Variants in TPPP observed in about 807,000 individuals in gnomAD.
TPPP encodes the protein tubulin polymerization-promoting protein.
A neutral mutation model predicts 15.5 loss-of-function variants in TPPP; 6 were observed. That is an observed-to-expected ratio of 0.39 (90% CI 0.21 to 0.77). The LOEUF (loss-of-function observed/expected upper bound fraction) is 0.77, where lower values mean the gene tolerates loss of function less well. Ranked by LOEUF, TPPP falls within the 30% of genes least tolerant of loss-of-function variation. The pLI is 0.42. For synonymous variants in TPPP, 146 were observed against 133.9 expected (o/e 1.09, Z -0.63); for missense variants, 269 against 307.2 (o/e 0.88, Z 0.93).
chr5:666,490 C>T (rs1435958307), intron 2 of TPPP, among the ~76,000 whole-genome samples: 2 of 152,206 alleles, frequency 1.3e-5, no homozygotes, highest in Non-Finnish European at 2.9e-5. Context: ...CCTGCTGGGG[C>T]CCCGGCTCTG....
At chr5:696,440 C>T (rs2126920426), upstream of TPPP, among the ~76,000 whole-genome samples, 1 of 146,496 alleles carries the variant, frequency 6.8e-6, no homozygotes, top group East Asian at 1.9e-4. Context: ...AGCTGAATGT[C>T]CTTTGACGGC....
At chr5:669,857 T>C (rs544220579) in intron 2 of TPPP, among the ~76,000 whole-genome samples, 1 of 152,116 alleles carries the variant, frequency 6.6e-6, no homozygotes, top group South Asian at 2.1e-4. Flanking sequence ...GCCTGCCTCT[T>C]CCCCAGAGAC....
At chr5:688,142 C>G (rs1236623816) in intron 1 of TPPP, among the ~76,000 whole-genome samples, 1 of 121,212 alleles carries the variant, frequency 8.3e-6, no homozygotes, top group Non-Finnish European at 1.8e-5. Flanking sequence ...AACGAAAAGA[C>G]ACACTAGATC....
At chr5:677,718 G>C in intron 2 of TPPP, 32 bp downstream of exon 2, 1 of 1,518,380 alleles carries the variant, frequency 6.6e-7, no homozygotes, top group Non-Finnish European at 8.8e-7. Flanking sequence ...CCGTAAGTCA[G>C]GTCCCTCGGC....
intron 1 of TPPP, among the ~76,000 whole-genome samples, chr5:684,971 A>G (rs1315956214): frequency 6.6e-6 from 1 of 152,160 alleles, no homozygotes; most frequent in Non-Finnish European, 1.5e-5. Context: ...CACCCCACCC[A>G]GAGGCCAGAC....
chr5:669,145 C>G (rs995412672), intron 2 of TPPP, among the ~76,000 whole-genome samples: 4 of 152,202 alleles, frequency 2.6e-5, no homozygotes, highest in African/African-American at 9.6e-5. Flanking sequence ...CTCGCTGTGT[C>G]CGGAGGGGGC....
At chr5:696,534 C>T, upstream of TPPP, among the ~76,000 whole-genome samples, 1 of 144,418 alleles carries the variant, frequency 6.9e-6, no homozygotes, top group Non-Finnish European at 1.6e-5. Context: ...GAACCCTAAC[C>T]AGCTCCTGTG....
Position 677,723 on chromosome 5 carries a change from C to T in TPPP, c.311+27G>A. Reference sequence around the variant, plus strand: ...CCGCAGACCCCCGTAAGTCAGGTCCCTCGGCCCGTGAGCCCAGCGCACTCA... The same window carrying T: ...CCGCAGACCCCCGTAAGTCAGGTCCTTCGGCCCGTGAGCCCAGCGCACTCA... On this transcript the variant is annotated intron_variant, in intron 2 of 3. Coordinates refer to ENST00000360578, the MANE Select transcript of TPPP (RefSeq NM_007030.3). 2.6e-6 allele frequency: 4 copies of T among 1,523,894 alleles called. No homozygotes were observed. The South Asian group carries it at 3.8e-5, about 14-fold the overall frequency. 94.4% of individuals were successfully genotyped at this position (1,523,894 alleles called of 1,614,324 possible).
In TPPP at chr5:666,183, C is replaced by T. The variant is rs563886791; in HGVS notation, c.312-60G>A. 2.8e-5 allele frequency: 44 copies of T among 1,575,598 alleles called. No individual in the cohort carries two copies. The Admixed American group carries it at 3.3e-4, about 12-fold the overall frequency. ...GGCCGGCCCAGGGCTGCCCTCCCCA[C>T]GCGTGGGTCTGAGCAGAGCTGGACA... On this transcript the variant is annotated intron_variant, in intron 2 of 3. Coordinates refer to ENST00000360578, the MANE Select transcript of TPPP (RefSeq NM_007030.3).
chr5:677,706 C>A (rs963703317), intron 2 of TPPP, 44 bp downstream of exon 2: 1 of 1,502,378 alleles, frequency 6.7e-7, no homozygotes, highest in Admixed American at 2.1e-5. Flanking sequence ...GGCCGCAGAC[C>A]CCCGTAAGTC....
chr5:678,497 C>T (rs1173885272), intron 1 of TPPP, among the ~76,000 whole-genome samples: 1 of 144,344 alleles, frequency 6.9e-6, no homozygotes, highest in East Asian at 1.9e-4. Flanking sequence ...CTCTGGAGGA[C>T]ACCTCGGGAT....
chr5:698,352 T>C (rs34870264), upstream of TPPP, among the ~76,000 whole-genome samples: 175 of 152,128 alleles, frequency 1.2e-3, 3 homozygotes, highest in Middle Eastern at 6.8e-3. Context: ...GGAATGCACA[T>C]TGGAGAAGAA....
chr5:673,062 C>T (rs922674286), intron 2 of TPPP, among the ~76,000 whole-genome samples: 2 of 152,328 alleles, frequency 1.3e-5, no homozygotes, highest in African/African-American at 4.8e-5. Context: ...TTCTGCAGTA[C>T]CGAAGGCCAC....
chr5:696,320 G>A (rs1438804117), upstream of TPPP, among the ~76,000 whole-genome samples: 5 of 116,848 alleles, frequency 4.3e-5, no homozygotes, highest in Non-Finnish European at 9.3e-5. Flanking sequence ...ATGGACTCAC[G>A]CGGACAGCAG....
intron 1 of TPPP, among the ~76,000 whole-genome samples, chr5:691,774 A>G (rs1229334361): frequency 1.8e-5 from 1 of 54,872 alleles, no homozygotes; most frequent in African/African-American, 6.6e-5. Context: ...CAGCCCCCAA[A>G]TACCCATCAA....
intron 1 of TPPP, among the ~76,000 whole-genome samples, chr5:684,816 C>A (rs1404409250): frequency 6.6e-6 from 1 of 152,222 alleles, no homozygotes; most frequent in African/African-American, 2.4e-5. Flanking sequence ...CCCCACTCTT[C>A]TCAGCCCAGG....
rs3833633 is a variant in TPPP at position 663,626 on chromosome 5, TCGGGGAGG to T, written c.*1468_*1475del. ...GCCGCAGCAGGTGCACTCTTGGGAG[TCGGGGAGG>T]CGGGTGGTGCTCATGCGTGCCAGTG... On this transcript the variant is annotated 3_prime_UTR_variant, in exon 4 of 4. Coordinates refer to ENST00000360578, the MANE Select transcript of TPPP (RefSeq NM_007030.3). The T allele has an allele frequency of 0.2, 29,890 of 151,632 alleles. 3,943 individuals are homozygous for T. The highest frequency in any genetic ancestry group is 0.38 in the African/African-American group (15,649 of 41,236). 9.4% of individuals were successfully genotyped at this position (151,632 alleles called of 1,614,324 possible).
rs1018122715 is a variant in TPPP at position 666,040 on chromosome 5, CTCTTG to C, written c.390_394del (p.Asp130GlufsTer162). ...CACCTCGCGAACGGCCTCCTCGCTG[CTCTTG>C]TCTTTGAATCGCTTCTTGGCGAGCT... On this transcript the variant is annotated frameshift_variant, in exon 3 of 4. Transcript: ENST00000360578. LOFTEE classifies it high-confidence loss of function. 6.2e-7 allele frequency: 1 copy of C among 1,611,756 alleles called. No individual in the cohort carries two copies. Among genetic ancestry groups the C allele is most frequent in the Non-Finnish European group, 8.5e-7 (1 of 1,179,666 alleles).
At chr5:666,186 G>A (rs184352908) in intron 2 of TPPP, 63 bp from the exon 3 acceptor site, 13 of 1,574,676 alleles carry the variant, frequency 8.3e-6, no homozygotes, top group African/African-American at 4.0e-5. Flanking sequence ...CTCCCCACGC[G>A]TGGGTCTGAG....
Sources: allele counts gnomAD v4.1 joint callset (sites outside exome capture counted in the v4.1 genomes callset), GRCh38; gene constraint gnomAD v4.1.1; transcripts MANE v1.5; gene names NCBI Gene and HGNC (gene_info 2026-07-23, HGNC 2026-07-21).